ANKHD1: variants seen among roughly 807,000 people sequenced by gnomAD.
ANKHD1 encodes ankyrin repeat and KH domain containing 1.
Under a neutral mutation model 230.5 loss-of-function variants are expected in ANKHD1, and 31 were observed. The observed-to-expected ratio is 0.13, with a 90% confidence interval of 0.10 to 0.18. The LOEUF is 0.18. Ranked by LOEUF, ANKHD1 falls within the 10% of genes least tolerant of loss-of-function variation. ANKHD1 has a pLI of 1.00. For synonymous variants in ANKHD1, 1,074 were observed against 1,117.6 expected (o/e 0.96, Z 0.78); for missense variants, 2,256 against 3,071.3 (o/e 0.73, Z 6.27).
chr5:140,530,739 G>GA (rs560695959), intron 29 of ANKHD1, among the ~76,000 whole-genome samples: 46 of 152,356 alleles, frequency 3.0e-4, no homozygotes, highest in African/African-American at 1.1e-3. Flanking sequence ...GCACTGTTCT[G>GA]AAAAACAAAT....
At chr5:140,528,152 TGGTCTTG>T in intron 28 of ANKHD1, 25 bp from the exon 29 acceptor site, 1 of 1,550,564 alleles carries the variant, frequency 6.4e-7, no homozygotes, top group African/African-American at 1.4e-5. Flanking sequence ...TTAATGTTTT[TGGTCTTG>T]TTTCTGTTTT....
At chr5:140,442,149 C>T (rs1047298737) in intron 5 of ANKHD1, among the ~76,000 whole-genome samples, 12 of 147,470 alleles carry the variant, frequency 8.1e-5, no homozygotes, top group Non-Finnish European at 1.8e-4. Flanking sequence ...AAGAGATTCT[C>T]TTGCCTCAGT....
chr5:140,426,140 C>CT (rs1772386236), intron 1 of ANKHD1, among the ~76,000 whole-genome samples: 1 of 152,064 alleles, frequency 6.6e-6, no homozygotes, highest in African/African-American at 2.4e-5. Context: ...AAGGGAGCTT[C>CT]TTTTTTTGGG....
At chr5:140,503,548 T>TCTTC (rs1752397099) in intron 15 of ANKHD1, among the ~76,000 whole-genome samples, 4 of 140,960 alleles carry the variant, frequency 2.8e-5, no homozygotes, top group African/African-American at 1.1e-4. Context: ...AACTCAGTTT[T>TCTTC]CTTTCTTTTT....
At chr5:140,502,058 A>G (rs917932166) in intron 15 of ANKHD1, among the ~76,000 whole-genome samples, 5 of 151,408 alleles carry the variant, frequency 3.3e-5, no homozygotes, top group African/African-American at 1.2e-4. Flanking sequence ...AAAAAAAAGC[A>G]TACCGTATAA....
chr5:140,406,014 T>A (rs1285200593), intron 1 of ANKHD1, among the ~76,000 whole-genome samples: 1 of 151,508 alleles, frequency 6.6e-6, no homozygotes, highest in East Asian at 2.0e-4. Flanking sequence ...CCAAGGCGGG[T>A]GGATCAGCTG....
intron 24 of ANKHD1, among the ~76,000 whole-genome samples, chr5:140,516,512 G>C (rs1390526127): frequency 6.7e-6 from 1 of 150,280 alleles, no homozygotes; most frequent in Non-Finnish European, 1.5e-5. Flanking sequence ...CAAAGTCGAA[G>C]GAAAAAATGT....
intron 3 of ANKHD1, 54 bp downstream of exon 3, chr5:140,438,671 G>A (rs956600533): frequency 5.4e-6 from 8 of 1,473,274 alleles, no homozygotes; most frequent in Non-Finnish European, 7.3e-6. Flanking sequence ...AGATTTTGGG[G>A]AAGTAGCCAA....
In ANKHD1 at chr5:140,444,391, C is replaced by T. The variant is rs774549951; in HGVS notation, c.914-1351C>T. Among the ~76,000 whole-genome samples the T allele has an allele frequency of 1.1e-3, 161 of 152,278 alleles. 2 individuals carry two copies. The highest frequency in any genetic ancestry group is 7.9e-4 in the Non-Finnish European group (54 of 68,012). On this transcript the variant is annotated intron_variant, in intron 5 of 33. Coordinates refer to ENST00000360839, the MANE Select transcript of ANKHD1 (RefSeq NM_017747.3). ...TTTGTTCAGTAAGTTGCACCTACTG[C>T]CTGCATGTCAGAATCACTTAAGAGA...
chr5:140,499,535 TTTCC>T (rs1318717902), intron 15 of ANKHD1, among the ~76,000 whole-genome samples: 3 of 152,170 alleles, frequency 2.0e-5, no homozygotes, highest in Admixed American at 6.5e-5. Context: ...AGGAGTATTA[TTTCC>T]TTATTGCTAT....
In ANKHD1 at chr5:140,529,583, T is replaced by G. The variant is rs1403080987; in HGVS notation, c.6637T>G (p.Phe2213Val). The G allele has an allele frequency of 1.9e-6, 3 of 1,614,192 alleles. No homozygotes were observed. In the South Asian group the frequency reaches 3.3e-5, roughly 18 times the overall value. The change falls in exon 29 of 34, where the codon TTC (phenylalanine) becomes GTC (valine). Residue 2213 changes from phenylalanine to valine, a missense_variant. Transcript: ENST00000360839. Reference protein sequence around the residue: ...TFGPATLFNHFSSLFDSSQVP... With the variant: ...TFGPATLFNHVSSLFDSSQVP... ...TGGCCCAGCCACACTTTTCAATCAC[T>G]TCAGCAGTCTTTTTGATAGTAGTCA... is the stretch of plus-strand genomic sequence containing the variant.
rs2127018505 is a variant in ANKHD1 at position 140,485,558 on chromosome 5, A to G, written c.1999-31A>G. 1 of 1,610,570 alleles carries G rather than the reference A, an allele frequency of 6.2e-7. No homozygotes were observed. Among genetic ancestry groups the G allele is most frequent in the Non-Finnish European group, 8.5e-7 (1 of 1,178,660 alleles). ...TATATGAGCTGCTAAGAAACTATAA[A>G]GAATTAATTATCATGGCAATTCTTT... On this transcript the variant is annotated intron_variant, in intron 12 of 33. Transcript: ENST00000360839. This position sits in a 1 kb window ranked among gnomAD's most constrained non-coding sequence, Gnocchi z 4.8.
intron 18 of ANKHD1, 43 bp downstream of exon 18, chr5:140,505,912 AT>A: frequency 6.5e-7 from 1 of 1,537,456 alleles, no homozygotes; most frequent in Non-Finnish European, 8.7e-7. Flanking sequence ...TTTTGCTTGT[AT>A]TTTAAAATAT....
At position 140,528,813 on chromosome 5, in the gene ANKHD1, C is replaced by T. The variant is rs766339018; in HGVS notation, c.5867C>T (p.Ser1956Leu). ...TGTGTCACTAATACCCGGACTCCTT[C>T]ATCAGTCAGAAAGCAGTTGTTTGCC... ...QLCVTNTRTPSSVRKQLFACV... is the reference protein window; with the variant it reads ...QLCVTNTRTPLSVRKQLFACV... The change falls in exon 29 of 34, where the codon TCA becomes TTA. Residue 1956 changes from serine (S) to leucine (L), a missense_variant. Transcript: ENST00000360839. The T allele has an allele frequency of 6.2e-7, 1 of 1,614,072 alleles. No individual in the cohort carries two copies. The highest frequency in any genetic ancestry group is 8.5e-7 in the Non-Finnish European group (1 of 1,180,042).
intron 1 of ANKHD1, among the ~76,000 whole-genome samples, chr5:140,427,620 G>A (rs1373289722): frequency 1.4e-5 from 2 of 138,280 alleles, no homozygotes; most frequent in African/African-American, 2.7e-5. Flanking sequence ...CCTCCCTCCC[G>A]GACGGGGCGG....
chr5:140,408,616 G>T (rs558450368), intron 1 of ANKHD1, among the ~76,000 whole-genome samples: 1 of 152,286 alleles, frequency 6.6e-6, no homozygotes, highest in East Asian at 1.9e-4. Flanking sequence ...ATTTTCTCCA[G>T]TAGGTAAGGA....
intron 1 of ANKHD1, among the ~76,000 whole-genome samples, chr5:140,419,778 C>CTT (rs1290415107): frequency 7.3e-5 from 1 of 13,680 alleles, no homozygotes; most frequent in African/African-American, 2.7e-4. Flanking sequence ...CTTTCTTTTT[C>CTT]TTTCTTTCTT....
At position 140,526,955 on chromosome 5, in the gene ANKHD1, C is replaced by T. The variant is rs756961895; in HGVS notation, c.4968C>T (p.Ser1656=). 4.7e-5 allele frequency: 75 copies of T among 1,612,574 alleles called. No homozygotes were observed. The highest frequency in any genetic ancestry group is 5.9e-5 in the Non-Finnish European group (70 of 1,179,482). ...TRLEGEVTPN[S]LSTSYKTVSL... ...TTGAAGGTGAAGTGACTCCTAATTC[C>T]TTGTCAACCAGCTACAAGACAGTGT... Residue 1656 remains serine, a synonymous_variant, in exon 27 of 34, where the codon TCC becomes TCT. Transcript: ENST00000360839.
Position 140,459,318 on chromosome 5 carries a change from G to A in ANKHD1, c.1635G>A (p.Glu545=). The part of the protein sequence containing the change: ...CSTPLMEASQ[E]GHLELVKYLL... ...CACCTCTGATGGAGGCATCTCAGGA[G>A]GGACACCTGGAATTGGTTAAATATT... Residue 545 remains glutamate (E), a synonymous_variant, in exon 9 of 34, where the codon GAG becomes GAA. Transcript: ENST00000360839. 6.3e-7 allele frequency: 1 copy of A among 1,578,412 alleles called. No homozygotes were observed. The highest frequency in any genetic ancestry group is 8.6e-7 in the Non-Finnish European group (1 of 1,156,570).
Sources: gnomAD v4.1 joint callset for allele counts (sites outside exome capture counted in the v4.1 genomes callset) on GRCh38, gnomAD v4.1.1 for gene constraint, Gnocchi (gnomAD v3.1) non-coding constraint, MANE v1.5 for transcripts, NCBI Gene and HGNC (gene_info 2026-07-23, HGNC 2026-07-21) for gene names.